The following EFCAB5 variants were observed in gnomAD, a reference collection of about 807,000 sequenced individuals.
The protein encoded by EFCAB5 is EF-hand calcium-binding domain-containing protein 5.
A neutral mutation model predicts 167.9 loss-of-function variants in EFCAB5; 131 were observed. The ratio of observed to expected loss-of-function variants is 0.78; its 90% CI spans 0.68 to 0.90. EFCAB5 has a LOEUF of 0.90. EFCAB5 is among the 40% of genes least tolerant of loss of function. The pLI is 0.00. For synonymous variants in EFCAB5, 574 were observed against 602.8 expected, an observed-to-expected ratio of 0.95 and a Z score of 0.70; for missense variants, 1,663 against 1,745.2, an observed-to-expected ratio of 0.95 and a Z score of 0.84.
intron 3 of EFCAB5, among the ~76,000 whole-genome samples, chr17:29,955,122 A>C (rs895899522): frequency 3.3e-5 from 5 of 152,070 alleles, no homozygotes; most frequent in African/African-American, 1.2e-4. Context: ...CTCAGATGAG[A>C]CTTTGGACTG....
chr17:30,039,049 G>A lies in EFCAB5; in HGVS notation c.1200+4664G>A, dbSNP rs570484662. 2.0e-5 allele frequency among the ~76,000 whole-genome samples: 3 copies of A among 152,220 alleles called. No homozygotes were observed. The South Asian group carries it at 6.2e-4, about 32-fold the overall frequency. ...GTAAAGGATCCTCACATACTGCGGT[G>A]CCGAGTCTGTGCACAGACCATACAA... On this transcript the variant is annotated intron_variant, in intron 8 of 22. Transcript: ENST00000394835.
intron 14 of EFCAB5, chr17:30,069,370 CTT>C: frequency 6.4e-7 from 1 of 1,557,496 alleles, no homozygotes; most frequent in Non-Finnish European, 8.9e-7. Context: ...AAATGAACAG[CTT>C]GTTTGATGAA....
chr17:29,997,704 A>G (rs1441750207), intron 6 of EFCAB5, among the ~76,000 whole-genome samples: 1 of 152,152 alleles, frequency 6.6e-6, no homozygotes, highest in Non-Finnish European at 1.5e-5. Flanking sequence ...CAAAATTATT[A>G]TAATCAGGTT....
chr17:30,045,694 C>T (rs2069906326), intron 8 of EFCAB5, among the ~76,000 whole-genome samples: 1 of 151,832 alleles, frequency 6.6e-6, no homozygotes, highest in African/African-American at 2.4e-5. Flanking sequence ...GAGACCCCCT[C>T]TCTACAAAAA....
At chr17:30,000,063 GTAT>G in intron 7 of EFCAB5, 87 bp downstream of exon 7, 1 of 909,572 alleles carries the variant, frequency 1.1e-6, no homozygotes, top group Non-Finnish European at 1.6e-6. Flanking sequence ...CATTAAATTA[GTAT>G]TAAATGAAAG....
intron 18 of EFCAB5, among the ~76,000 whole-genome samples, chr17:30,085,783 G>A (rs527460873): frequency 5.3e-5 from 8 of 151,788 alleles, no homozygotes; most frequent in Non-Finnish European, 1.0e-4. Context: ...AAGTCCAATC[G>A]TCAATGTGCG....
chr17:29,966,829 T>C (rs1417455805), intron 3 of EFCAB5, among the ~76,000 whole-genome samples: 1 of 152,040 alleles, frequency 6.6e-6, no homozygotes, highest in African/African-American at 2.4e-5. Flanking sequence ...GTCTTTTTAC[T>C]TATTTACTAT....
At chr17:29,945,992 C>A (rs2067389497) in intron 3 of EFCAB5, among the ~76,000 whole-genome samples, 1 of 152,056 alleles carries the variant, frequency 6.6e-6, no homozygotes, top group Non-Finnish European at 1.5e-5. Context: ...TAAATGGGAC[C>A]TAATTCAACT....
intron 3 of EFCAB5, among the ~76,000 whole-genome samples, chr17:29,957,012 A>G (rs1013308101): frequency 2.6e-5 from 4 of 152,176 alleles, no homozygotes; most frequent in African/African-American, 9.7e-5. Context: ...AAAAATGGGC[A>G]TCCTTATTTT....
intron 14 of EFCAB5, chr17:30,068,935 T>G: frequency 6.5e-7 from 1 of 1,543,342 alleles, no homozygotes; most frequent in Non-Finnish European, 9.0e-7. Flanking sequence ...TGTCCAGATA[T>G]TCATGAGGAC....
intron 7 of EFCAB5, among the ~76,000 whole-genome samples, chr17:30,025,915 A>G (rs2069307472): frequency 6.6e-6 from 1 of 152,132 alleles, no homozygotes; most frequent in East Asian, 1.9e-4. Flanking sequence ...AAACTATCGC[A>G]AGGACAAAAA....
chr17:29,947,446 A>T (rs1471640506), intron 3 of EFCAB5, among the ~76,000 whole-genome samples: 3 of 152,216 alleles, frequency 2.0e-5, no homozygotes, highest in Non-Finnish European at 4.4e-5. Context: ...CAAGGGATTT[A>T]AAAAAACTGC....
chr17:29,967,340 G>A (rs910646685), intron 3 of EFCAB5, among the ~76,000 whole-genome samples: 11 of 152,312 alleles, frequency 7.2e-5, no homozygotes, highest in Middle Eastern at 3.4e-3. Flanking sequence ...TTTTCTCTGC[G>A]TGTGGAAATC....
At chr17:30,077,913 G>T (rs1483731543) in intron 14 of EFCAB5, among the ~76,000 whole-genome samples, 1 of 152,216 alleles carries the variant, frequency 6.6e-6, no homozygotes, top group Non-Finnish European at 1.5e-5. Flanking sequence ...GAATTAAGTG[G>T]TTTATTGGAT....
At chr17:30,079,085 A>G (rs2070928915) in intron 15 of EFCAB5, among the ~76,000 whole-genome samples, 1 of 152,226 alleles carries the variant, frequency 6.6e-6, no homozygotes, top group Admixed American at 6.5e-5. Flanking sequence ...CAGAAACAGC[A>G]CAGCCGCCTT....
chr17:30,050,152 T>C (rs79807627), intron 8 of EFCAB5, among the ~76,000 whole-genome samples: 1 of 151,876 alleles, frequency 6.6e-6, no homozygotes, highest in Non-Finnish European at 1.5e-5. Flanking sequence ...TTTTTTTTTT[T>C]AGATGGAATT....
At chr17:29,964,498 T>C (rs1189503211) in intron 3 of EFCAB5, among the ~76,000 whole-genome samples, 1 of 152,100 alleles carries the variant, frequency 6.6e-6, no homozygotes, top group Non-Finnish European at 1.5e-5. Flanking sequence ...TTTCACCATG[T>C]TGGCCAAGCT....
At chr17:30,000,757 C>T (rs770044896) in intron 7 of EFCAB5, among the ~76,000 whole-genome samples, 20 of 152,112 alleles carry the variant, frequency 1.3e-4, no homozygotes, top group Non-Finnish European at 2.5e-4. Flanking sequence ...AAGAATTTGG[C>T]AAATTCTACC....
intron 9 of EFCAB5, among the ~76,000 whole-genome samples, chr17:30,052,206 C>T (rs906624661): frequency 4.6e-5 from 7 of 152,090 alleles, no homozygotes; most frequent in African/African-American, 7.2e-5. Context: ...GCTCTGTTGC[C>T]GAGGCTGGAG....
Sources: allele counts gnomAD v4.1 joint callset (sites outside exome capture counted in the v4.1 genomes callset), GRCh38; gene constraint gnomAD v4.1.1; transcripts MANE v1.5; gene names NCBI Gene and HGNC (gene_info 2026-07-23, HGNC 2026-07-21).